Variants in DMXL2 observed in about 807,000 individuals in gnomAD.
DMXL2 encodes the protein dmX-like protein 2.
In DMXL2, 103 loss-of-function variants were observed where a neutral mutation model predicts 331.1. The ratio of observed to expected loss-of-function variants is 0.31; its 90% CI spans 0.27 to 0.37. The LOEUF (loss-of-function observed/expected upper bound fraction) is 0.37. Among genes scored for constraint, DMXL2 ranks in the 10% least tolerant of loss-of-function variants. The probability of loss-of-function intolerance (pLI) is 1.00; values close to 1 mark genes in which losing one functional copy is unlikely to be tolerated. For synonymous variants in DMXL2, 1,281 were observed against 1,252.1 expected (o/e 1.02, Z -0.49); for missense variants, 3,171 against 3,642.9 (o/e 0.87, Z 3.33).
rs199634703 is a variant in DMXL2, at chr15:51,486,251, A to G, written c.5304T>C (p.Tyr1768=). 13 of 1,613,722 alleles carry G rather than the reference A, an allele frequency of 8.1e-6. No individual in the cohort carries two copies. The highest frequency in any genetic ancestry group is 2.2e-5 in the East Asian group (1 of 44,856). ...YESEFETSST[Y]ISILNQKILG... is the part of the protein sequence containing the mutation. ...AAATCTTCTGATTTAGGATGGATAT[A>G]TAAGTGGATGAAGTCTCAAATTCAG... The change falls in exon 23 of 44, where the codon TAT becomes TAC. Residue 1768 remains tyrosine (Y), a synonymous_variant. Transcript: ENST00000560891.
rs772410961 is a variant in DMXL2 at position 51,536,602 on chromosome 15, G to A, written c.1878C>T (p.Val626=). The A allele has an allele frequency of 1.3e-5, 21 of 1,613,924 alleles. No homozygotes were observed. The East Asian group carries it at 4.5e-4, about 34-fold the overall frequency. Residue 626 remains valine (V), a synonymous_variant, in exon 12 of 44, where the codon GTC becomes GTT. Transcript: ENST00000560891. ...TAAAGGCAGACTTATCAGCAAAAGT[G>A]ACTGCCCACTGATTTAAAGAACCAT... is the stretch of plus-strand genomic sequence containing the variant. The part of the protein sequence containing the change: ...HIDGSLNQWA[V]TFADKSAFTT...
rs528582102 is a variant in DMXL2, at chr15:51,585,406, GCT to G, written c.88-9227_88-9226del. Among the ~76,000 whole-genome samples, 855 of 151,972 alleles carry G rather than the reference GCT, an allele frequency of 5.6e-3. 4 individuals are homozygous for G. The highest frequency in any genetic ancestry group is 0.01 in the Non-Finnish European group (688 of 67,948). On this transcript the variant is annotated intron_variant, in intron 1 of 43. Coordinates refer to ENST00000560891, the MANE Select transcript of DMXL2 (RefSeq NM_001378457.1). ...GATAATCATGTGGTTTTTGTCTTTG[GCT>G]CTGTTTATATTCATTCTTCTTAATA...
intron 42 of DMXL2, chr15:51,450,659 A>T (rs1241374961): frequency 2.8e-6 from 1 of 353,730 alleles, no homozygotes; most frequent in East Asian, 6.9e-5. Flanking sequence ...ACCTTCTCAA[A>T]GTTGGTGAGT....
chr15:51,474,788 T>C (rs569865421), intron 27 of DMXL2, among the ~76,000 whole-genome samples, 196 bp from the exon 28 acceptor site: 2 of 152,278 alleles, frequency 1.3e-5, no homozygotes, highest in South Asian at 2.1e-4. Context: ...TACACTGATA[T>C]AATAAATGAG....
At chr15:51,467,280 G>T (rs1335766673) in intron 29 of DMXL2, among the ~76,000 whole-genome samples, 1 of 152,126 alleles carries the variant, frequency 6.6e-6, no homozygotes, top group Non-Finnish European at 1.5e-5. Flanking sequence ...TGTATGGATA[G>T]ATCTAATTTT....
At chr15:51,490,349 CA>C (rs1288729807) in intron 20 of DMXL2, among the ~76,000 whole-genome samples, 1 of 152,122 alleles carries the variant, frequency 6.6e-6, no homozygotes, top group Non-Finnish European at 1.5e-5. Context: ...ATGCATTTTA[CA>C]TAAGTTTACC....
intron 9 of DMXL2, among the ~76,000 whole-genome samples, chr15:51,540,603 A>T (rs1241252794): frequency 6.6e-6 from 1 of 152,146 alleles, no homozygotes; most frequent in Non-Finnish European, 1.5e-5. Flanking sequence ...TATTTGCTGT[A>T]CTATTCTTTC....
chr15:51,452,415 A>T (rs536974608), intron 41 of DMXL2, among the ~76,000 whole-genome samples: 2 of 152,320 alleles, frequency 1.3e-5, no homozygotes, highest in South Asian at 4.1e-4. Flanking sequence ...TAACAAGAAA[A>T]AACAATCCCA....
At chr15:51,533,627 T>C (rs1360823225) in intron 13 of DMXL2, among the ~76,000 whole-genome samples, 1 of 152,210 alleles carries the variant, frequency 6.6e-6, no homozygotes, top group Non-Finnish European at 1.5e-5. Flanking sequence ...GTGTGCACAT[T>C]ACACCTATCA....
intron 15 of DMXL2, among the ~76,000 whole-genome samples, chr15:51,512,310 A>G (rs1386480570): frequency 6.6e-6 from 1 of 152,246 alleles, no homozygotes; most frequent in East Asian, 1.9e-4. Flanking sequence ...CACAATATGT[A>G]AACTTTGTTT....
rs776318561 is a variant in DMXL2 at position 51,464,682 on chromosome 15, G to C, written c.7801C>G (p.Pro2601Ala). The C allele has an allele frequency of 6.2e-7, 1 of 1,613,494 alleles. No homozygotes were observed. Among genetic ancestry groups the C allele is most frequent in the Non-Finnish European group, 8.5e-7 (1 of 1,179,584 alleles). The change falls in exon 32 of 44, where the codon CCA (proline) becomes GCA (alanine). Residue 2601 changes from proline (P) to alanine (A), a missense_variant. This residue lies in a region of DMXL2 where 766 missense variants were observed against 940.5 expected (regional missense o/e 0.81). Transcript: ENST00000560891. ...TTATAAGAGCTTTCTTACTTGAATG[G>C]GGTATTTTCAGGTTCTAGCATTGCT... Reference protein sequence around the residue: ...NKAMLEPENTPFKSRDSSAFP... With the variant: ...NKAMLEPENTAFKSRDSSAFP...
chr15:51,450,880 C>A (rs547390120), intron 42 of DMXL2, among the ~76,000 whole-genome samples: 4 of 152,306 alleles, frequency 2.6e-5, no homozygotes, highest in Admixed American at 2.0e-4. Flanking sequence ...TTGCAGAATT[C>A]TGCAATAAAA....
Position 51,545,688 on chromosome 15 carries a change from T to C in DMXL2, c.825A>G (p.Glu275=), listed in dbSNP as rs138021456. The C allele has an allele frequency of 1.2e-5, 20 of 1,613,672 alleles. No homozygotes were observed. Among genetic ancestry groups the C allele is most frequent in the Non-Finnish European group, 1.7e-5 (20 of 1,179,772 alleles). The change falls in exon 8 of 44, where the codon GAA becomes GAG. Residue 275 remains glutamate, a synonymous_variant. Transcript: ENST00000560891. ...CRLWAETLLP[E]DCLLGEQICE... ...AAATCTGCTCACCCAAAAGACAGTC[T>C]TCTGGTAATAAAGTTTCTGCCCAGA...
chr15:51,535,794 G>A lies in DMXL2; in HGVS notation c.2315-10C>T. Reference sequence around the variant, plus strand: ...GAATTGCAGTATGTGCCTGAGAAAGGAAAACAAGGCCTCTGGGTTCTAAAC... The same window carrying A: ...GAATTGCAGTATGTGCCTGAGAAAGAAAAACAAGGCCTCTGGGTTCTAAAC... On this transcript the variant is annotated splice_polypyrimidine_tract_variant and intron_variant, in intron 12 of 43. Coordinates refer to ENST00000560891, the MANE Select transcript of DMXL2 (RefSeq NM_001378457.1). 1.3e-6 allele frequency: 2 copies of A among 1,592,510 alleles called. No individual in the cohort carries two copies. The highest frequency in any genetic ancestry group is 1.7e-6 in the Non-Finnish European group (2 of 1,172,856).
intron 1 of DMXL2, among the ~76,000 whole-genome samples, chr15:51,594,144 G>C (rs1238684562): frequency 6.6e-6 from 1 of 152,074 alleles, no homozygotes; most frequent in East Asian, 1.9e-4. Flanking sequence ...TTTTTGAAAA[G>C]ATCAACAAAA....
intron 13 of DMXL2, among the ~76,000 whole-genome samples, chr15:51,529,277 T>G (rs1038997826): frequency 1.3e-5 from 2 of 152,000 alleles, no homozygotes; most frequent in East Asian, 3.9e-4. Context: ...ATAAATTAAA[T>G]TGAAACAAAG....
chr15:51,575,155 A>G (rs947441902), intron 2 of DMXL2, among the ~76,000 whole-genome samples: 1 of 152,206 alleles, frequency 6.6e-6, no homozygotes, highest in African/African-American at 2.4e-5. Flanking sequence ...ACATTTACAC[A>G]AATATTAAGG....
chr15:51,459,567 A>C (rs979355575), intron 34 of DMXL2, 31 bp downstream of exon 34: 1 of 1,289,284 alleles, frequency 7.8e-7, no homozygotes, highest in African/African-American at 1.5e-5. Context: ...ACTTTAAAGA[A>C]TGAGCTAAAT....
intron 37 of DMXL2, among the ~76,000 whole-genome samples, chr15:51,456,950 T>C (rs1307925354): frequency 2.6e-5 from 4 of 152,112 alleles, no homozygotes; most frequent in Non-Finnish European, 5.9e-5. Context: ...AGCGGGTAGA[T>C]CACTTGAGCC....
Sources: allele counts gnomAD v4.1 joint callset (sites outside exome capture counted in the v4.1 genomes callset), GRCh38; gene constraint gnomAD v4.1.1; regional missense constraint gnomAD v4.1.1; transcripts MANE v1.5; gene names NCBI Gene and HGNC (gene_info 2026-07-23, HGNC 2026-07-21).